The following LATS1 variants were observed in gnomAD, a reference collection of about 807,000 sequenced individuals.
LATS1 encodes the protein serine/threonine-protein kinase LATS1.
In LATS1, 25 loss-of-function variants were observed where a neutral mutation model predicts 106.6. That is an observed-to-expected ratio of 0.23 (90% CI 0.17 to 0.33). The LOEUF (loss-of-function observed/expected upper bound fraction) is 0.33, where lower values mean the gene tolerates loss of function less well. Among genes scored for constraint, LATS1 ranks in the 10% least tolerant of loss-of-function variants. The pLI, the probability that LATS1 is intolerant of heterozygous loss-of-function variation, is 1.00. For missense variants in LATS1, 1,040 were observed against 1,382.6 expected (o/e 0.75, Z 3.93); for synonymous variants, 465 against 455.6 (o/e 1.02, Z -0.26).
intron 3 of LATS1, among the ~76,000 whole-genome samples, chr6:149,693,351 C>A (rs745312285): frequency 2.0e-5 from 3 of 151,670 alleles, no homozygotes; most frequent in Non-Finnish European, 2.9e-5. Context: ...GTGGCTCATA[C>A]CTGTAATCCC....
chr6:149,692,486 C>G (rs1227163746), intron 3 of LATS1, among the ~76,000 whole-genome samples: 1 of 152,008 alleles, frequency 6.6e-6, no homozygotes, highest in Non-Finnish European at 1.5e-5. Flanking sequence ...TCATTCACAC[C>G]ATATATAGCT....
intron 1 of LATS1, among the ~76,000 whole-genome samples, chr6:149,717,415 G>A (rs543895010): frequency 6.6e-6 from 1 of 152,296 alleles, no homozygotes; most frequent in African/African-American, 2.4e-5. Flanking sequence ...GAGACTCCCA[G>A]GATTTCTCTA....
At chr6:149,690,276 C>T (rs565437557) in intron 3 of LATS1, among the ~76,000 whole-genome samples, 32 of 147,236 alleles carry the variant, frequency 2.2e-4, no homozygotes, top group Admixed American at 1.9e-3. Context: ...TGCAATGGCG[C>T]GATCTCGGCT....
chr6:149,680,299 T>C lies in LATS1; in HGVS notation c.2169A>G (p.Arg723=). 1 of 1,613,930 alleles carries C rather than the reference T, an allele frequency of 6.2e-7. No homozygotes were observed. Among genetic ancestry groups the C allele is most frequent in the African/African-American group, 1.3e-5 (1 of 75,056 alleles). The part of the protein sequence containing the change: ...IGAFGEVCLA[R]KVDTKALYAT... ...CATACAAAGCCTTAGTATCTACTTT[T>C]CTTGCTAGACAGACTTCACCAAATG... Residue 723 remains arginine (R), a synonymous_variant, in exon 5 of 8, where the codon AGA becomes AGG. Transcript: ENST00000543571.
chr6:149,684,472 T>G lies in LATS1; in HGVS notation c.617A>C (p.Asn206Thr). 1 of 1,614,122 alleles carries G rather than the reference T, an allele frequency of 6.2e-7. No individual in the cohort carries two copies. Among genetic ancestry groups the G allele is most frequent in the South Asian group, 1.1e-5 (1 of 91,078 alleles). The change falls in exon 4 of 8, where the codon AAC (asparagine) becomes ACC (threonine). Residue 206 changes from asparagine (N) to threonine (T), a missense_variant. By Grantham distance (65) the Asn-to-Thr change is moderately conservative. Around this residue, in one of 7 missense-constraint regions of LATS1, gnomAD observed 624 missense variants for 714.8 expected, o/e 0.87. Transcript: ENST00000543571. ...ESVAYHSESP[N>T]SQTDVGRPLS... ...AGGTCTTCCTACATCTGTCTGTGAG[T>G]TGGGACTCTCAGAATGATAGGCCAC...
chr6:149,680,743 G>GAAAAAAA (rs5880846), intron 4 of LATS1, among the ~76,000 whole-genome samples: 1 of 110,328 alleles, frequency 9.1e-6, no homozygotes, highest in Non-Finnish European at 1.9e-5. Context: ...AATGCACTCC[G>GAAAAAAA]AAAAAAAAAA....
chr6:149,715,882 A>C (rs1477053033), intron 1 of LATS1, among the ~76,000 whole-genome samples: 1 of 152,208 alleles, frequency 6.6e-6, no homozygotes, highest in Non-Finnish European at 1.5e-5. Context: ...ATAATTCTTC[A>C]AAGCAAAACT....
In LATS1 at chr6:149,680,344, T is replaced by A. The variant is rs764502015; in HGVS notation, c.2124A>T (p.Ile708=). The A allele has an allele frequency of 2.5e-6, 4 of 1,613,992 alleles. No individual in the cohort carries two copies. The highest frequency in any genetic ancestry group is 3.4e-6 in the Non-Finnish European group (4 of 1,179,980). Residue 708 remains isoleucine, a synonymous_variant, in exon 5 of 8, where the codon ATA becomes ATT. Transcript: ENST00000543571. ...CAAATGCTCCTATTCCTAGTGTCTT[T>A]ATCTTCACAAACATAGACTTGTCCA... The part of the protein sequence containing the change: ...AKMDKSMFVK[I]KTLGIGAFGE...
chr6:149,703,141 T>G (rs1222677193), intron 1 of LATS1, among the ~76,000 whole-genome samples: 1 of 151,738 alleles, frequency 6.6e-6, no homozygotes, highest in African/African-American at 2.4e-5. Context: ...GCCCAGCTAA[T>G]TTTTGTATCG....
Position 149,683,372 on chromosome 6 carries a change from A to T in LATS1, c.1717T>A (p.Tyr573Asn), listed in dbSNP as rs907035417. Residue 573 changes from tyrosine to asparagine, a missense_variant, in exon 4 of 8, where the codon TAC becomes AAC. Physicochemically the swap from Tyr to Asn is moderately radical, Grantham distance 143 (BLOSUM62 -2). This residue lies in a region of LATS1 where 624 missense variants were observed against 714.8 expected (regional missense o/e 0.87). Coordinates refer to ENST00000543571, the MANE Select transcript of LATS1 (RefSeq NM_004690.4). Reference sequence around the variant, plus strand: ...TTGCTAGGCTTACTGATTGACTCGTATGGAGGAACAGATGGGTTTTGGTGC... The same window carrying T: ...TTGCTAGGCTTACTGATTGACTCGTTTGGAGGAACAGATGGGTTTTGGTGC... ...LLHQNPSVPP[Y>N]ESISKPSKED... 10 of 1,614,018 alleles carry T rather than the reference A, an allele frequency of 6.2e-6. No homozygotes were observed. In the African/African-American group the frequency reaches 6.7e-5, roughly 11 times the overall value.
At chr6:149,713,147 T>C (rs1784199178) in intron 1 of LATS1, among the ~76,000 whole-genome samples, 1 of 152,130 alleles carries the variant, frequency 6.6e-6, no homozygotes, top group African/African-American at 2.4e-5. Flanking sequence ...CCGAGTATGA[T>C]AATGAAAACA....
At position 149,662,146 on chromosome 6, in the gene LATS1, G is replaced by A. The variant is rs768536948; in HGVS notation, c.2976C>T (p.Pro992=). The change falls in exon 8 of 8, where the codon CCC becomes CCT. Residue 992 remains proline (P), a synonymous_variant. Coordinates refer to ENST00000543571, the MANE Select transcript of LATS1 (RefSeq NM_004690.4). The stretch of plus-strand genomic sequence containing the variant: ...CACCATTCTTGCCTAAGCGATCTTC[G>A]GGTCCTCGGCAAAGTTTAATAATAA... The part of the protein sequence containing the change: ...SDLIIKLCRG[P]EDRLGKNGAD... 2.4e-5 allele frequency: 39 copies of A among 1,613,954 alleles called. No individual in the cohort carries two copies. Among genetic ancestry groups the A allele is most frequent in the Admixed American group, 3.3e-5 (2 of 60,016 alleles).
At chr6:149,681,686 A>G (rs1447076868) in intron 4 of LATS1, among the ~76,000 whole-genome samples, 4 of 152,366 alleles carry the variant, frequency 2.6e-5, no homozygotes, top group African/African-American at 9.6e-5. Context: ...AATACTGTAA[A>G]ATCAGATTTA....
intron 3 of LATS1, among the ~76,000 whole-genome samples, chr6:149,687,093 TTA>T (rs1436081265): frequency 1.7e-5 from 2 of 118,142 alleles, no homozygotes; most frequent in Non-Finnish European, 3.6e-5. Context: ...TCCAAGATTT[TTA>T]TTTTTTTTTT....
chr6:149,691,098 C>T (rs954071993), intron 3 of LATS1, among the ~76,000 whole-genome samples: 2 of 152,086 alleles, frequency 1.3e-5, no homozygotes, highest in South Asian at 2.1e-4. Flanking sequence ...TTGCTGAACC[C>T]CCAATCCATA....
rs773682346 is a variant in LATS1, at chr6:149,683,373, T to C, written c.1716A>G (p.Pro572=). The change falls in exon 4 of 8, where the codon CCA becomes CCG. Residue 572 remains proline, a synonymous_variant. Transcript: ENST00000543571. ...TGCTAGGCTTACTGATTGACTCGTATGGAGGAACAGATGGGTTTTGGTGCA... is the reference window on the plus strand; with the variant it reads ...TGCTAGGCTTACTGATTGACTCGTACGGAGGAACAGATGGGTTTTGGTGCA... The part of the protein sequence containing the change: ...HLLHQNPSVP[P]YESISKPSKE... 6.2e-7 allele frequency: 1 copy of C among 1,614,176 alleles called. No individual in the cohort carries two copies. Among genetic ancestry groups the C allele is most frequent in the South Asian group, 1.1e-5 (1 of 91,086 alleles).
At chr6:149,694,382 A>G (rs1337502040) in intron 3 of LATS1, among the ~76,000 whole-genome samples, 2 of 152,282 alleles carry the variant, frequency 1.3e-5, no homozygotes, top group East Asian at 3.9e-4. Flanking sequence ...CCCAGGCTGG[A>G]GTGCAGTGGC....
chr6:149,676,246 A>G lies in LATS1; in HGVS notation c.2883+14T>C. On this transcript the variant is annotated intron_variant, in intron 7 of 7. Transcript: ENST00000543571. ...CTTTGTGAGAATTCTTTTGATATAG[A>G]TGCCATACCTTACCTTCATTTGTGT... is the stretch of plus-strand genomic sequence containing the variant. 2.0e-6 allele frequency: 3 copies of G among 1,522,928 alleles called. No individual in the cohort carries two copies. The highest frequency in any genetic ancestry group is 2.3e-5 in the East Asian group (1 of 44,440). 94.3% of individuals were successfully genotyped at this position (1,522,928 alleles called of 1,614,324 possible). A position where few individuals can be genotyped will look rare whatever the true frequency, so the allele number is the denominator to read the frequency against.
At position 149,662,206 on chromosome 6, in the gene LATS1, T is replaced by A. The variant is rs1318536560; in HGVS notation, c.2916A>T (p.Pro972=). The change falls in exon 8 of 8, where the codon CCA becomes CCT. Residue 972 remains proline (P), a synonymous_variant. Transcript: ENST00000543571. ...CTTCAGGACTGAGTTTAGCTTGTGG[T>A]GGAATGTGAAGAGATGTTTGCCAGT... The part of the protein sequence containing the change: ...VINWQTSLHI[P]PQAKLSPEAS... 1 of 1,611,876 alleles carries A rather than the reference T, an allele frequency of 6.2e-7. No homozygotes were observed. Among genetic ancestry groups the A allele is most frequent in the East Asian group, 2.2e-5 (1 of 44,872 alleles).
Sources: gnomAD v4.1 joint callset for allele counts (sites outside exome capture counted in the v4.1 genomes callset) on GRCh38, gnomAD v4.1.1 for gene constraint, gnomAD v4.1.1 regional missense constraint, MANE v1.5 for transcripts, NCBI Gene and HGNC (gene_info 2026-07-23, HGNC 2026-07-21) for gene names.